The following GALNTL6 variants were observed in gnomAD, a reference collection of about 807,000 sequenced individuals.
GALNTL6 encodes the protein polypeptide N-acetylgalactosaminyltransferase-like 6.
GALNTL6 carries 46 observed loss-of-function variants against 73.7 expected under a neutral mutation model. That is an observed-to-expected ratio of 0.62 (90% CI 0.49 to 0.80). The LOEUF (loss-of-function observed/expected upper bound fraction) is 0.80. Ranked by LOEUF, GALNTL6 falls within the 30% of genes least tolerant of loss-of-function variation. The pLI is 0.00. For missense variants in GALNTL6, 604 were observed against 755.0 expected, an observed-to-expected ratio of 0.80 and a Z score of 2.34; for synonymous variants, 259 against 263.7, an observed-to-expected ratio of 0.98 and a Z score of 0.17.
chr4:172,981,700 G>A (rs1321968535), intron 10 of GALNTL6, among the ~76,000 whole-genome samples: 1 of 151,580 alleles, frequency 6.6e-6, no homozygotes, highest in Admixed American at 6.6e-5. Context: ...GATTCCATAG[G>A]AATTTAAGGA....
intron 2 of GALNTL6, among the ~76,000 whole-genome samples, chr4:172,066,520 T>G: frequency 6.7e-6 from 1 of 149,742 alleles, no homozygotes. Flanking sequence ...ATCTTGTAAT[T>G]ATGTCTGACC....
At chr4:172,370,946 T>G (rs890742134) in intron 5 of GALNTL6, among the ~76,000 whole-genome samples, 1 of 152,208 alleles carries the variant, frequency 6.6e-6, no homozygotes, top group East Asian at 1.9e-4. Context: ...CACCGTTAAC[T>G]TTTAGCAAAC....
At chr4:171,974,342 C>T (rs568803118) in intron 2 of GALNTL6, among the ~76,000 whole-genome samples, 2 of 152,206 alleles carry the variant, frequency 1.3e-5, no homozygotes, top group Admixed American at 1.3e-4. Flanking sequence ...TCAGGCCCAC[C>T]ATAGCAGCTG....
At chr4:172,903,092 CA>C (rs1746711281) in intron 8 of GALNTL6, among the ~76,000 whole-genome samples, 1 of 152,144 alleles carries the variant, frequency 6.6e-6, no homozygotes, top group African/African-American at 2.4e-5. Flanking sequence ...ATCTACCCAA[CA>C]TTTCATTATT....
At chr4:172,648,192 T>C (rs1740324435) in intron 5 of GALNTL6, among the ~76,000 whole-genome samples, 1 of 152,166 alleles carries the variant, frequency 6.6e-6, no homozygotes, top group Admixed American at 6.5e-5. Flanking sequence ...TTCCATGAGC[T>C]GGGCTACTGA....
chr4:172,654,959 G>T (rs548174456), intron 5 of GALNTL6, among the ~76,000 whole-genome samples: 17 of 152,238 alleles, frequency 1.1e-4, no homozygotes, highest in African/African-American at 4.1e-4. Context: ...AAGAAAATGA[G>T]ACATTGAGAG....
rs973827481 is a variant in GALNTL6 at position 172,041,309 on chromosome 4, C to G, written c.139-188347C>G. Among the ~76,000 whole-genome samples the G allele has an allele frequency of 6.6e-5, 10 of 152,034 alleles. No individual in the cohort carries two copies. In the East Asian group the frequency reaches 1.9e-3, roughly 29 times the overall value. On this transcript the variant is annotated intron_variant, in intron 2 of 12. Coordinates refer to ENST00000506823, the MANE Select transcript of GALNTL6 (RefSeq NM_001034845.3). ...CATTTTACCTTTTCTTTGAAATCAT[C>G]TTATTGCTGAGTGTTTTAACATTCA...
At chr4:172,437,684 C>T (rs577442598) in intron 5 of GALNTL6, among the ~76,000 whole-genome samples, 1 of 152,128 alleles carries the variant, frequency 6.6e-6, no homozygotes, top group African/African-American at 2.4e-5. Context: ...AACATAAGGT[C>T]TTAAAAGAAT....
intron 5 of GALNTL6, among the ~76,000 whole-genome samples, chr4:172,592,014 G>A (rs764131093): frequency 1.3e-5 from 2 of 152,188 alleles, no homozygotes; most frequent in Non-Finnish European, 2.9e-5. Context: ...TGCATTAAAA[G>A]CAGCTGATGA....
intron 5 of GALNTL6, among the ~76,000 whole-genome samples, chr4:172,373,649 A>G (rs1742908563): frequency 6.6e-6 from 1 of 152,286 alleles, no homozygotes; most frequent in African/African-American, 2.4e-5. Context: ...TCCCTCTTCA[A>G]GTAGGGGACA....
intron 2 of GALNTL6, chr4:172,052,392 T>G: frequency 7.3e-7 from 1 of 1,366,616 alleles, no homozygotes; most frequent in South Asian, 1.3e-5. Context: ...ACATCCTTCA[T>G]AGTAACCACA....
At chr4:172,296,088 A>G (rs1469627682) in intron 3 of GALNTL6, among the ~76,000 whole-genome samples, 2 of 152,254 alleles carry the variant, frequency 1.3e-5, no homozygotes, top group African/African-American at 4.8e-5. Flanking sequence ...CATCAATGAT[A>G]TATGACATTT....
chr4:172,316,900 C>T (rs935800846), intron 4 of GALNTL6, among the ~76,000 whole-genome samples: 12 of 152,030 alleles, frequency 7.9e-5, no homozygotes, highest in Non-Finnish European at 1.5e-4. Context: ...GACTGATCTC[C>T]GCAGGCAAGC....
At chr4:172,472,293 G>A (rs1035341823) in intron 5 of GALNTL6, among the ~76,000 whole-genome samples, 1 of 152,178 alleles carries the variant, frequency 6.6e-6, no homozygotes, top group African/African-American at 2.4e-5. Context: ...AAGGCATGAA[G>A]AAGTTCAATA....
chr4:171,820,896 A>T (rs1734660280), intron 2 of GALNTL6, among the ~76,000 whole-genome samples: 1 of 152,204 alleles, frequency 6.6e-6, no homozygotes, highest in African/African-American at 2.4e-5. Flanking sequence ...ATATTCATGG[A>T]CTATGATTTC....
At chr4:172,389,912 G>A (rs1002544437) in intron 5 of GALNTL6, among the ~76,000 whole-genome samples, 6 of 152,002 alleles carry the variant, frequency 3.9e-5, no homozygotes. Context: ...ACAGTTGCTA[G>A]TTTTTCTTTA....
At chr4:172,218,331 T>A (rs376283508) in intron 2 of GALNTL6, among the ~76,000 whole-genome samples, 11 of 152,244 alleles carry the variant, frequency 7.2e-5, no homozygotes, top group Admixed American at 5.9e-4. Flanking sequence ...AGGCATATTT[T>A]ACAAAGGTTA....
At chr4:172,034,233 T>G (rs1391706530) in intron 2 of GALNTL6, among the ~76,000 whole-genome samples, 1 of 152,110 alleles carries the variant, frequency 6.6e-6, no homozygotes, top group African/African-American at 2.4e-5. Context: ...CAAAGTGCTC[T>G]GTAGCGCCCT....
At chr4:172,569,278 A>G (rs1327057552) in intron 5 of GALNTL6, among the ~76,000 whole-genome samples, 2 of 152,258 alleles carry the variant, frequency 1.3e-5, no homozygotes, top group Admixed American at 1.3e-4. Flanking sequence ...GTGTCTTCAC[A>G]TGATGGAAAG....
Sources: gnomAD v4.1 joint callset for allele counts (sites outside exome capture counted in the v4.1 genomes callset) on GRCh38, gnomAD v4.1.1 for gene constraint, MANE v1.5 for transcripts, NCBI Gene and HGNC (gene_info 2026-07-23, HGNC 2026-07-21) for gene names.